Variants in ANKFN1 observed in about 807,000 individuals in gnomAD.
ANKFN1 encodes ankyrin repeat and fibronectin type III domain containing 1.
ANKFN1 carries 74 observed loss-of-function variants against 108.7 expected under a neutral mutation model. The ratio of observed to expected loss-of-function variants is 0.68; its 90% confidence interval spans 0.56 to 0.83. ANKFN1 has a LOEUF of 0.83. Ranked by LOEUF, ANKFN1 falls within the 40% of genes least tolerant of loss-of-function variation. The pLI is 0.00. For missense variants in ANKFN1, 1,505 were observed against 1,382.3 expected, an observed-to-expected ratio of 1.09 and a Z score of -1.41; for synonymous variants, 547 against 516.2, an observed-to-expected ratio of 1.06 and a Z score of -0.81.
intron 3 of ANKFN1, among the ~76,000 whole-genome samples, chr17:56,262,940 C>A (rs1768442461): frequency 6.6e-6 from 1 of 152,286 alleles, no homozygotes; most frequent in Non-Finnish European, 1.5e-5. Context: ...TGTTAAGGTG[C>A]TTTTGTAACA....
intron 3 of ANKFN1, among the ~76,000 whole-genome samples, chr17:56,269,332 T>C (rs2043733019): frequency 2.6e-5 from 4 of 152,224 alleles, no homozygotes. Context: ...TCTGGCATAT[T>C]CATTGTAATC....
At chr17:56,310,056 T>C (rs2044965877) in intron 3 of ANKFN1, among the ~76,000 whole-genome samples, 1 of 152,148 alleles carries the variant, frequency 6.6e-6, no homozygotes, top group Admixed American at 6.5e-5. Context: ...AGTAGTTAGG[T>C]ATCAGGAGCA....
chr17:56,128,712 C>G (rs895871492), intron 4 of ANKFN1, among the ~76,000 whole-genome samples: 2 of 152,220 alleles, frequency 1.3e-5, no homozygotes, highest in African/African-American at 4.8e-5. Flanking sequence ...AGTAAAGAAA[C>G]CTATGTCACT....
rs1393150548 is a variant in ANKFN1, at chr17:56,095,541, A to G, written c.288+49216A>G. On this transcript the variant is annotated intron_variant, in intron 4 of 12. Transcript: ENST00000635860. ...GGTCTTGAACTCCTGGCCTCAAGCA[A>G]TCTTCCCGCCTCAGCCTCCCAAAGT... is the stretch of plus-strand genomic sequence containing the variant. 2.1e-5 allele frequency among the ~76,000 whole-genome samples: 3 copies of G among 141,410 alleles called. 1 individual carries two copies. Among genetic ancestry groups the G allele is most frequent in the African/African-American group, 2.6e-5 (1 of 39,174 alleles). The allele number at this position is 141,410 out of a possible 152,430, so 92.8% of individuals were successfully genotyped here.
intron 4 of ANKFN1, among the ~76,000 whole-genome samples, chr17:56,329,298 G>GTACT (rs1260752036): frequency 2.0e-4 from 30 of 152,158 alleles, no homozygotes; most frequent in Non-Finnish European, 4.3e-4. Flanking sequence ...GCCCTCACTG[G>GTACT]TACTGACTTA....
chr17:56,455,836 T>C (rs1232914727), intron 11 of ANKFN1, among the ~76,000 whole-genome samples: 2 of 152,322 alleles, frequency 1.3e-5, no homozygotes, highest in East Asian at 1.9e-4. Context: ...CCAATAAATA[T>C]TTGTCCAATT....
chr17:56,355,705 A>G (rs529614746), intron 6 of ANKFN1, among the ~76,000 whole-genome samples: 9 of 152,328 alleles, frequency 5.9e-5, no homozygotes, highest in African/African-American at 2.2e-4. Context: ...TTAGTGGTGC[A>G]GGAGACAGAC....
intron 3 of ANKFN1, among the ~76,000 whole-genome samples, chr17:56,267,759 GT>G (rs753442279): frequency 2.6e-5 from 4 of 152,138 alleles, no homozygotes; most frequent in African/African-American, 7.2e-5. Context: ...CTATGTGTCT[GT>G]TTTTGTACCA....
At chr17:56,210,871 G>GC (rs938228612) in intron 1 of ANKFN1, among the ~76,000 whole-genome samples, 1 of 152,128 alleles carries the variant, frequency 6.6e-6, no homozygotes, top group African/African-American at 2.4e-5. Flanking sequence ...GGGGGAAACC[G>GC]CCCCCTTGAT....
chr17:56,218,130 C>A (rs1915562874), intron 2 of ANKFN1, among the ~76,000 whole-genome samples: 1 of 152,002 alleles, frequency 6.6e-6, no homozygotes, highest in South Asian at 2.1e-4. Flanking sequence ...ACCTAATCCC[C>A]TATCCACATC....
At chr17:56,472,345 G>A (rs1269442232) in intron 15 of ANKFN1, 4 of 152,136 alleles carry the variant, frequency 2.6e-5, no homozygotes, top group African/African-American at 7.2e-5. Context: ...CATCATGGAT[G>A]GTTGAGTTTT....
chr17:56,079,365 C>G (rs903453663), intron 4 of ANKFN1, among the ~76,000 whole-genome samples: 2 of 152,140 alleles, frequency 1.3e-5, no homozygotes, highest in African/African-American at 4.8e-5. Context: ...AGCAACTAGT[C>G]AGAGCCAGAA....
chr17:56,108,538 T>A (rs1905795963), intron 4 of ANKFN1, among the ~76,000 whole-genome samples: 2 of 152,110 alleles, frequency 1.3e-5, no homozygotes, highest in South Asian at 4.1e-4. Context: ...ATGAGAAGAG[T>A]ACTATTGCTA....
intron 4 of ANKFN1, among the ~76,000 whole-genome samples, chr17:56,094,518 TCGCC>T (rs1905485326): frequency 9.1e-6 from 1 of 109,976 alleles, no homozygotes; most frequent in Admixed American, 1.1e-4. Context: ...TCTTGTTTTG[TCGCC>T]AGGCTGCCAG....
At chr17:56,100,926 C>T (rs1905634936) in intron 4 of ANKFN1, among the ~76,000 whole-genome samples, 1 of 152,194 alleles carries the variant, frequency 6.6e-6, no homozygotes, top group South Asian at 2.1e-4. Context: ...TATGGGCTGA[C>T]TGTGTCCTCC....
intron 11 of ANKFN1, among the ~76,000 whole-genome samples, chr17:56,455,878 T>G (rs1426840754): frequency 2.0e-5 from 3 of 152,234 alleles, no homozygotes; most frequent in Non-Finnish European, 2.9e-5. Context: ...GCACTGACTT[T>G]TTGAGCAATT....
chr17:56,117,207 C>A (rs1280772606), intron 4 of ANKFN1, among the ~76,000 whole-genome samples: 2 of 152,134 alleles, frequency 1.3e-5, no homozygotes, highest in Non-Finnish European at 2.9e-5. Flanking sequence ...TCCCCAGAGC[C>A]TGAAGTGGGG....
At chr17:56,426,900 G>T (rs948446922) in intron 8 of ANKFN1, among the ~76,000 whole-genome samples, 1 of 152,160 alleles carries the variant, frequency 6.6e-6, no homozygotes, top group African/African-American at 2.4e-5. Flanking sequence ...AAGACTCTTT[G>T]TTTCCCTGGG....
At chr17:56,055,644 G>T in intron 4 of ANKFN1, among the ~76,000 whole-genome samples, 1 of 135,794 alleles carries the variant, frequency 7.4e-6, no homozygotes, top group Non-Finnish European at 1.5e-5. Flanking sequence ...TACTCAGGTT[G>T]GTTTCATGAC....
Sources: gnomAD v4.1 joint callset for allele counts (sites outside exome capture counted in the v4.1 genomes callset) on GRCh38, gnomAD v4.1.1 for gene constraint, MANE v1.5 for transcripts, NCBI Gene and HGNC (gene_info 2026-07-23, HGNC 2026-07-21) for gene names.